Variants in ADGRD1 observed in about 807,000 individuals in gnomAD.
ADGRD1 encodes the protein G-protein coupled receptor 133.
ADGRD1 carries 77 observed loss-of-function variants against 113.4 expected under a neutral mutation model. The ratio of observed to expected loss-of-function variants is 0.68; its 90% CI spans 0.57 to 0.82. ADGRD1 has a LOEUF of 0.82. Among genes scored for constraint, ADGRD1 ranks in the 40% least tolerant of loss-of-function variants. The pLI, the probability that ADGRD1 is intolerant of heterozygous loss-of-function variation, is 0.00. For synonymous variants in ADGRD1, 474 were observed against 475.0 expected, an observed-to-expected ratio of 1.00 and a Z score of 0.03; for missense variants, 1,036 against 1,139.1, an observed-to-expected ratio of 0.91 and a Z score of 1.30.
At position 131,084,494 on chromosome 12, in the gene ADGRD1, A is replaced by G. The variant is rs1236813220; in HGVS notation, c.1548-46A>G. 1.2e-6 allele frequency: 2 copies of G among 1,611,918 alleles called. No homozygotes were observed. The highest frequency in any genetic ancestry group is 1.7e-6 in the Non-Finnish European group (2 of 1,178,900). On this transcript the variant is annotated intron_variant, in intron 14 of 24. Transcript: ENST00000261654. The surrounding 1 kb of genome is among the most constrained non-coding windows in gnomAD (Gnocchi z 4.5). ...TGCTGCTCTCAGTCCCCTGCCTGCC[A>G]AGGGTGCGGTGCTACCTCCTCTGAT...
rs1163628942 is a variant in ADGRD1, at chr12:131,041,850, T to A, written c.1473+27510T>A. On this transcript the variant is annotated intron_variant, in intron 13 of 24. Coordinates refer to ENST00000261654, the MANE Select transcript of ADGRD1 (RefSeq NM_198827.5). This position sits in a 1 kb window ranked among gnomAD's most constrained non-coding sequence, Gnocchi z 4.4. ...CACATTCCCTCCCCACGGTCCTCCTTTCCTGGGTTATTTTTCTAGATGCCA... is the reference window on the plus strand; with the variant it reads ...CACATTCCCTCCCCACGGTCCTCCTATCCTGGGTTATTTTTCTAGATGCCA... 6.6e-6 allele frequency among the ~76,000 whole-genome samples: 1 copy of A among 152,182 alleles called. No homozygotes were observed. The highest frequency in any genetic ancestry group is 6.5e-5 in the Admixed American group (1 of 15,284).
At chr12:131,028,074 A>G (rs1880183189) in intron 13 of ADGRD1, 1 of 152,158 alleles carries the variant, frequency 6.6e-6, no homozygotes, top group Admixed American at 6.5e-5. Flanking sequence ...CAGAGCGGGC[A>G]CTGGTTCACT....
In ADGRD1 at chr12:131,041,643, C is replaced by G. The variant is rs1882142797; in HGVS notation, c.1473+27303C>G. Reference sequence around the variant, plus strand: ...CAGCTTAATGAGGCTCTGCAGAGACCCAGGGGCTTGGCCATCCACTCAGGG... The same window carrying G: ...CAGCTTAATGAGGCTCTGCAGAGACGCAGGGGCTTGGCCATCCACTCAGGG... On this transcript the variant is annotated intron_variant, in intron 13 of 24. Coordinates refer to ENST00000261654, the MANE Select transcript of ADGRD1 (RefSeq NM_198827.5). This position sits in a 1 kb window ranked among gnomAD's most constrained non-coding sequence, Gnocchi z 4.4. Among the ~76,000 whole-genome samples the G allele has an allele frequency of 6.6e-6, 1 of 152,150 alleles. No homozygotes were observed. The highest frequency in any genetic ancestry group is 1.5e-5 in the Non-Finnish European group (1 of 68,020).
chr12:131,135,648 G>A (rs1951057732), intron 21 of ADGRD1, among the ~76,000 whole-genome samples: 1 of 152,188 alleles, frequency 6.6e-6, no homozygotes, highest in Non-Finnish European at 1.5e-5. Flanking sequence ...GGAGGCCTGG[G>A]TTCTGGACGC....
At chr12:131,085,700 C>T (rs1456772321) in intron 15 of ADGRD1, among the ~76,000 whole-genome samples, 1 of 152,158 alleles carries the variant, frequency 6.6e-6, no homozygotes, top group Non-Finnish European at 1.5e-5. Context: ...GTGGCTGCTC[C>T]GAGCCAGGCT....
At chr12:130,985,077 G>T (rs192109213) in intron 5 of ADGRD1, among the ~76,000 whole-genome samples, 2 of 150,162 alleles carry the variant, frequency 1.3e-5, no homozygotes, top group Non-Finnish European at 3.0e-5. Flanking sequence ...TGGGATTACC[G>T]GCATGTGCCA....
intron 12 of ADGRD1, among the ~76,000 whole-genome samples, chr12:131,011,044 A>G (rs982525903): frequency 6.6e-6 from 1 of 151,580 alleles, no homozygotes; most frequent in Non-Finnish European, 1.5e-5. Context: ...GAGGCAGGGT[A>G]TAAGGGGCAG....
chr12:131,105,700 TG>T (rs1950218022), intron 16 of ADGRD1, 53 bp from the exon 17 acceptor site: 2 of 1,404,990 alleles, frequency 1.4e-6, no homozygotes, highest in Non-Finnish European at 9.9e-7. Context: ...GAGCCCAGCC[TG>T]GGGGACTGGG....
At chr12:131,085,021 G>A (rs1886358249) in intron 15 of ADGRD1, among the ~76,000 whole-genome samples, 1 of 152,240 alleles carries the variant, frequency 6.6e-6, no homozygotes, top group Non-Finnish European at 1.5e-5. Context: ...GGCGCTGGGG[G>A]CTCCGCTGTA....
chr12:131,090,299 C>G (rs1252639230), intron 15 of ADGRD1, among the ~76,000 whole-genome samples: 1 of 152,182 alleles, frequency 6.6e-6, no homozygotes, highest in Non-Finnish European at 1.5e-5. Flanking sequence ...GCAGCATACT[C>G]AGAGAATTAA....
intron 13 of ADGRD1, among the ~76,000 whole-genome samples, chr12:131,053,980 TC>T (rs1470053927): frequency 6.6e-6 from 1 of 152,102 alleles, no homozygotes; most frequent in Non-Finnish European, 1.5e-5. Flanking sequence ...TTATAGCCCG[TC>T]CCATTTACTG....
At chr12:130,972,665 C>A (rs1220883915) in intron 4 of ADGRD1, among the ~76,000 whole-genome samples, 1 of 151,584 alleles carries the variant, frequency 6.6e-6, no homozygotes, top group African/African-American at 2.4e-5. Context: ...GTGGCAGGGG[C>A]GAGGAGGACG....
At position 130,990,915 on chromosome 12, in the gene ADGRD1, ATG is replaced by A. The variant is rs1874295350; in HGVS notation, c.746-95_746-94del. On this transcript the variant is annotated intron_variant, in intron 6 of 24. Transcript: ENST00000261654. Reference sequence around the variant, plus strand: ...TCAAAACATTCTCAGACTCTCTTCCATGTGTCTGAAGCCAGTACATTTTTAAC... The same window carrying A: ...TCAAAACATTCTCAGACTCTCTTCCATGTCTGAAGCCAGTACATTTTTAAC... 8.3e-6 allele frequency: 7 copies of A among 845,278 alleles called. No individual in the cohort carries two copies. In the South Asian group the frequency reaches 1.1e-4, roughly 13 times the overall value. 52.4% of individuals were successfully genotyped at this position (845,278 alleles called of 1,614,324 possible). A position where few individuals can be genotyped will look rare whatever the true frequency, so the allele number is the denominator to read the frequency against.
intron 15 of ADGRD1, among the ~76,000 whole-genome samples, chr12:131,090,837 A>C (rs907391968): frequency 5.3e-5 from 8 of 152,220 alleles, no homozygotes; most frequent in South Asian, 2.1e-4. Flanking sequence ...GGCAAAGGGC[A>C]CAGGCATTTT....
At chr12:131,026,195 T>G (rs1194405540) in intron 13 of ADGRD1, 6 of 152,242 alleles carry the variant, frequency 3.9e-5, no homozygotes, top group African/African-American at 1.4e-4. Context: ...GGCCATGGAC[T>G]GTGTCTCAGT....
chr12:131,016,855 T>G (rs1369341555), intron 13 of ADGRD1, among the ~76,000 whole-genome samples: 2 of 150,556 alleles, frequency 1.3e-5, no homozygotes, highest in East Asian at 2.0e-4. Context: ...ATCGGGCCAG[T>G]GCGTTCCAGC....
intron 3 of ADGRD1, chr12:130,968,840 T>G (rs1593269739): frequency 1.6e-6 from 1 of 618,120 alleles, no homozygotes; most frequent in African/African-American, 1.8e-5. Flanking sequence ...GGATGTGAGG[T>G]CCGAAGAGAA....
Position 131,113,485 on chromosome 12 carries a change from A to G in ADGRD1, c.2041+4608A>G, listed in dbSNP as rs1028345862. ...GTAAAACACTGACCAGACATGAGGG[A>G]CCTGCTACTTGTTTCAAATACGTTT... On this transcript the variant is annotated intron_variant, in intron 18 of 24. Transcript: ENST00000261654. The surrounding 1 kb of genome is among the most constrained non-coding windows in gnomAD (Gnocchi z 4.9). Among the ~76,000 whole-genome samples the G allele has an allele frequency of 1.3e-5, 2 of 152,166 alleles. No homozygotes were observed. The highest frequency in any genetic ancestry group is 4.8e-5 in the African/African-American group (2 of 41,438).
chr12:131,137,234 C>T lies in ADGRD1; in HGVS notation c.2436+220C>T, dbSNP rs1718048640. The stretch of plus-strand genomic sequence containing the variant: ...TAAGCGATATGCAAGCATCCTCTCT[C>T]CCTGGAGAATTGGCGACTGCATCTT... On this transcript the variant is annotated intron_variant, in intron 23 of 24. Coordinates refer to ENST00000261654, the MANE Select transcript of ADGRD1 (RefSeq NM_198827.5). 3 of 602,390 alleles carry T rather than the reference C, an allele frequency of 5.0e-6. No homozygotes were observed. In the African/African-American group the frequency reaches 5.6e-5, roughly 11 times the overall value. The allele number at this position is 602,390 out of a possible 1,614,324, so 37.3% of individuals were successfully genotyped here. A position where few individuals can be genotyped will look rare whatever the true frequency, so the allele number is the denominator to read the frequency against.
Sources: gnomAD v4.1 joint callset for allele counts (sites outside exome capture counted in the v4.1 genomes callset) on GRCh38, gnomAD v4.1.1 for gene constraint, Gnocchi (gnomAD v3.1) non-coding constraint, MANE v1.5 for transcripts, NCBI Gene and HGNC (gene_info 2026-07-23, HGNC 2026-07-21) for gene names.